Variants in ANKH observed in about 807,000 individuals in gnomAD.
The protein encoded by ANKH is ANKH inorganic pyrophosphate transport regulator, also known as mineralization regulator ANKH.
ANKH carries 15 observed loss-of-function variants against 49.0 expected under a neutral mutation model. The ratio of observed to expected loss-of-function variants is 0.31; its 90% CI spans 0.20 to 0.47. The LOEUF (loss-of-function observed/expected upper bound fraction) is 0.47, where lower values mean the gene tolerates loss of function less well. Among genes scored for constraint, ANKH ranks in the 20% least tolerant of loss-of-function variants. ANKH has a pLI of 1.00. For synonymous variants in ANKH, 273 were observed against 260.0 expected, an observed-to-expected ratio of 1.05 and a Z score of -0.48; for missense variants, 429 against 652.0, an observed-to-expected ratio of 0.66 and a Z score of 3.72.
intron 1 of ANKH, among the ~76,000 whole-genome samples, chr5:14,847,155 G>A (rs1258636199): frequency 6.6e-6 from 1 of 152,174 alleles, no homozygotes; most frequent in East Asian, 1.9e-4. Flanking sequence ...TAAAGACACA[G>A]TGGCTGGTTA....
At chr5:14,798,441 G>C in intron 1 of ANKH, 1 of 1,516,426 alleles carries the variant, frequency 6.6e-7, no homozygotes, top group Non-Finnish European at 8.9e-7. Flanking sequence ...GTCGAGCGTT[G>C]TGGGAGGGGC....
At chr5:14,808,561 T>A (rs2126569690) in intron 1 of ANKH, among the ~76,000 whole-genome samples, 1 of 152,296 alleles carries the variant, frequency 6.6e-6, no homozygotes, top group Non-Finnish European at 1.5e-5. Context: ...GCCCAGGAGT[T>A]CAAGACCAGC....
intron 2 of ANKH, among the ~76,000 whole-genome samples, chr5:14,764,697 T>C (rs1739204903): frequency 6.6e-6 from 1 of 152,232 alleles, no homozygotes; most frequent in Admixed American, 6.5e-5. Context: ...TGGTTTAAAT[T>C]ATGGCAAATT....
chr5:14,721,670 G>A (rs1021241439), intron 8 of ANKH, among the ~76,000 whole-genome samples: 7 of 152,288 alleles, frequency 4.6e-5, no homozygotes, highest in East Asian at 1.9e-4. Flanking sequence ...GGTGGCTCAT[G>A]CCTGTAATCC....
At chr5:14,723,534 G>A (rs941104267) in intron 8 of ANKH, among the ~76,000 whole-genome samples, 8 of 152,088 alleles carry the variant, frequency 5.3e-5, no homozygotes, top group African/African-American at 1.7e-4. Context: ...AGCTACTTGG[G>A]AGGCTAAGGC....
At chr5:14,749,357 G>A (rs7722142) in intron 5 of ANKH, 51 bp from the exon 6 acceptor site, 3 of 1,599,912 alleles carry the variant, frequency 1.9e-6, no homozygotes, top group Admixed American at 1.7e-5. Context: ...AAGCAGAATG[G>A]AAAAAACGAT....
At chr5:14,728,734 G>T (rs559754560) in intron 8 of ANKH, among the ~76,000 whole-genome samples, 2 of 152,204 alleles carry the variant, frequency 1.3e-5, no homozygotes, top group African/African-American at 2.4e-5. Flanking sequence ...AACATGGAAC[G>T]CAGGGCCAGC....
intron 1 of ANKH, among the ~76,000 whole-genome samples, chr5:14,859,112 T>G (rs1464031698): frequency 5.3e-5 from 8 of 152,194 alleles, no homozygotes; most frequent in African/African-American, 1.9e-4. Context: ...GCCATCCATC[T>G]CTAGAGCTTT....
intron 1 of ANKH, among the ~76,000 whole-genome samples, chr5:14,845,615 T>G (rs187169954): frequency 6.6e-6 from 1 of 152,138 alleles, no homozygotes; most frequent in East Asian, 1.9e-4. Context: ...AGAAGAAACA[T>G]AGAGAGTGCT....
At chr5:14,823,527 G>C (rs1014664627) in intron 1 of ANKH, among the ~76,000 whole-genome samples, 12 of 152,216 alleles carry the variant, frequency 7.9e-5, no homozygotes, top group Non-Finnish European at 1.2e-4. Flanking sequence ...GGAATTGAGA[G>C]ACTGAGAGAG....
At chr5:14,860,521 T>C (rs915947374) in intron 1 of ANKH, among the ~76,000 whole-genome samples, 3 of 152,178 alleles carry the variant, frequency 2.0e-5, no homozygotes, top group Admixed American at 2.0e-4. Flanking sequence ...GAATTTTGTG[T>C]TGTTGTTATT....
Position 14,708,065 on chromosome 5 carries a change from C to G in ANKH, c.*3132G>C, listed in dbSNP as rs1304871708. The G allele has an allele frequency of 6.6e-6, 1 of 152,234 alleles. No homozygotes were observed. The highest frequency in any genetic ancestry group is 1.5e-5 in the Non-Finnish European group (1 of 68,054). 9.4% of individuals were successfully genotyped at this position (152,234 alleles called of 1,614,324 possible). On this transcript the variant is annotated 3_prime_UTR_variant, in exon 12 of 12. Coordinates refer to ENST00000284268, the MANE Select transcript of ANKH (RefSeq NM_054027.6). ...CAATCCTACCGTGACTTTCCAAGCG[C>G]AAGCCTCGTCTAGTTCTTTTTGCTC...
intron 8 of ANKH, among the ~76,000 whole-genome samples, chr5:14,734,648 T>C (rs1399948786): frequency 1.3e-5 from 2 of 152,134 alleles, no homozygotes; most frequent in Non-Finnish European, 2.9e-5. Context: ...AGGCTTTACT[T>C]CCTTAAGGGC....
intron 1 of ANKH, among the ~76,000 whole-genome samples, chr5:14,791,661 T>C (rs1426049052): frequency 3.3e-5 from 5 of 152,216 alleles, no homozygotes; most frequent in African/African-American, 4.8e-5. Context: ...TCATTGAATT[T>C]GACAGCTTTG....
At position 14,871,518 on chromosome 5, in the gene ANKH, ACG is replaced by A; in HGVS notation, c.-73_-72del. 4 of 365,018 alleles carry A rather than the reference ACG, an allele frequency of 1.1e-5. No individual in the cohort carries two copies. The highest frequency in any genetic ancestry group is 1.6e-5 in the Non-Finnish European group (4 of 255,826). 22.6% of individuals were successfully genotyped at this position (365,018 alleles called of 1,614,324 possible). A position where few individuals can be genotyped will look rare whatever the true frequency, so the allele number is the denominator to read the frequency against. Reference sequence around the variant, plus strand: ...GGACTCTGCGGGGAGGCGAGGGGCGACGGGGCGACGGGGCGAGCGGGGCGCGG... The same window carrying A: ...GGACTCTGCGGGGAGGCGAGGGGCGAGGGCGACGGGGCGAGCGGGGCGCGG... On this transcript the variant is annotated 5_prime_UTR_variant, in exon 1 of 12. Transcript: ENST00000284268.
intron 11 of ANKH, among the ~76,000 whole-genome samples, chr5:14,711,991 T>C (rs985366801): frequency 5.9e-5 from 9 of 152,220 alleles, no homozygotes; most frequent in Non-Finnish European, 1.0e-4. Context: ...AACCCTTCAT[T>C]GTGGCCACCT....
chr5:14,718,830 C>CCG (rs1737569240), intron 8 of ANKH, among the ~76,000 whole-genome samples: 1 of 9,688 alleles, frequency 1.0e-4, no homozygotes, highest in Non-Finnish European at 2.3e-4. Flanking sequence ...CCCAACACCA[C>CCG]CCCCCCCCCA....
intron 1 of ANKH, among the ~76,000 whole-genome samples, chr5:14,815,720 T>C (rs2126579517): frequency 6.6e-6 from 1 of 152,286 alleles, no homozygotes. Flanking sequence ...GGAATGACAA[T>C]GTATACATAC....
At position 14,711,056 on chromosome 5, in the gene ANKH, A is replaced by G. The variant is rs1737164791; in HGVS notation, c.*141T>C. 1.3e-6 allele frequency: 1 copy of G among 781,144 alleles called. No individual in the cohort carries two copies. Among genetic ancestry groups the G allele is most frequent in the Non-Finnish European group, 2.3e-6 (1 of 440,534 alleles). 48.4% of individuals were successfully genotyped at this position (781,144 alleles called of 1,614,324 possible). ...ATACCCAGTATGCTAGAGAATTGAC[A>G]CGAAACCTTTAAATCAAGGCCTCTT... On this transcript the variant is annotated 3_prime_UTR_variant, in exon 12 of 12. Transcript: ENST00000284268.
Sources: allele counts gnomAD v4.1 joint callset (sites outside exome capture counted in the v4.1 genomes callset), GRCh38; gene constraint gnomAD v4.1.1; transcripts MANE v1.5; gene names NCBI Gene and HGNC (gene_info 2026-07-23, HGNC 2026-07-21).